TTLL10: variants seen among roughly 807,000 people sequenced by gnomAD.
The protein encoded by TTLL10 is tubulin tyrosine ligase like 10.
In TTLL10, 61 loss-of-function variants were observed where a neutral mutation model predicts 69.0. The ratio of observed to expected loss-of-function variants is 0.88; its 90% CI spans 0.72 to 1.09. The LOEUF (loss-of-function observed/expected upper bound fraction) is 1.09, where lower values mean the gene tolerates loss of function less well. TTLL10 is among the 50% of genes least tolerant of loss of function. The pLI, the probability that TTLL10 is intolerant of heterozygous loss-of-function variation, is 0.00. For synonymous variants in TTLL10, 408 were observed against 393.3 expected, an observed-to-expected ratio of 1.04 and a Z score of -0.44; for missense variants, 962 against 945.9, an observed-to-expected ratio of 1.02 and a Z score of -0.22.
intron 12 of TTLL10, 42 bp from the exon 13 acceptor site, chr1:1,184,927 G>A (rs7539911): frequency 0.12 from 130,593 of 1,110,328 alleles, 9,693 homozygotes; most frequent in East Asian, 0.53. Flanking sequence ...CAGGCCCTCC[G>A]GACAGTCTGG....
intron 13 of TTLL10, among the ~76,000 whole-genome samples, chr1:1,195,282 G>GC (rs1167669037): frequency 7.3e-5 from 11 of 151,572 alleles, no homozygotes; most frequent in Non-Finnish European, 1.3e-4. Flanking sequence ...TGAAGCCACT[G>GC]CACCCGGCCT....
chr1:1,183,017 TC>T lies in TTLL10; in HGVS notation c.1060del (p.Arg354GlyfsTer38), dbSNP rs1441048668. On this transcript the variant is annotated frameshift_variant, in exon 11 of 16. Coordinates refer to ENST00000379289, the MANE Select transcript of TTLL10 (RefSeq NM_001130045.2). LOFTEE classifies it high-confidence loss of function. ...GACCCCATCCACCACAAGACGCCGTTCCGGGGGCCTCAGGCGCGGGTGGTGC... is the reference window on the plus strand; with the variant it reads ...GACCCCATCCACCACAAGACGCCGTTCGGGGGCCTCAGGCGCGGGTGGTGC... ...EDDPIHHKTP[F>X]RGPQARVVQR... 6.2e-7 allele frequency: 1 copy of T among 1,608,954 alleles called. No individual in the cohort carries two copies. The highest frequency in any genetic ancestry group is 8.5e-7 in the Non-Finnish European group (1 of 1,178,250).
At chr1:1,187,188 A>G (rs558734983) in intron 13 of TTLL10, among the ~76,000 whole-genome samples, 21 of 152,254 alleles carry the variant, frequency 1.4e-4, no homozygotes, top group African/African-American at 5.1e-4. Context: ...TTTATCAGAC[A>G]TATGATTTGC....
chr1:1,185,336 C>G lies in TTLL10; in HGVS notation c.1401+227C>G. On this transcript the variant is annotated intron_variant, in intron 13 of 15. Transcript: ENST00000379289. This position sits in a 1 kb window ranked among gnomAD's most constrained non-coding sequence, Gnocchi z 6.1. ...CCGGACGGAAAGCCCAGTCGGGGGT[C>G]TGTCGGCACGAGTCCCGCGGGCAGC... 1 of 1,380,804 alleles carries G rather than the reference C, an allele frequency of 7.2e-7. No homozygotes were observed. Among genetic ancestry groups the G allele is most frequent in the Non-Finnish European group, 9.3e-7 (1 of 1,071,788 alleles). 85.5% of individuals were successfully genotyped at this position (1,380,804 alleles called of 1,614,324 possible). A position where few individuals can be genotyped will look rare whatever the true frequency, so the allele number is the denominator to read the frequency against.
chr1:1,194,354 T>C (rs921878489), intron 13 of TTLL10, among the ~76,000 whole-genome samples: 3 of 152,338 alleles, frequency 2.0e-5, no homozygotes, highest in Non-Finnish European at 2.9e-5. Context: ...ATTATTGTTG[T>C]ATACAGTTGT....
intron 11 of TTLL10, among the ~76,000 whole-genome samples, 176 bp from the exon 12 acceptor site, chr1:1,183,744 T>C (rs898656990): frequency 1.3e-5 from 2 of 152,160 alleles, no homozygotes; most frequent in African/African-American, 2.4e-5. Context: ...GCCAGGCCTT[T>C]CCTCCCAATT....
At chr1:1,182,582 AG>A (rs1647105982) in intron 10 of TTLL10, 136 bp downstream of exon 10, 2 of 976,714 alleles carry the variant, frequency 2.0e-6, no homozygotes, top group Admixed American at 3.9e-5. Flanking sequence ...GTGGTCAGGA[AG>A]GGGCCAGGGC....
intron 3 of TTLL10, among the ~76,000 whole-genome samples, chr1:1,176,602 G>A (rs937338055): frequency 3.9e-5 from 6 of 152,188 alleles, no homozygotes; most frequent in Non-Finnish European, 5.9e-5. Context: ...CTCCTGGGCC[G>A]GTTCCAGCCC....
intron 3 of TTLL10, chr1:1,176,491 G>GAGGGAC (rs1413341410): frequency 9.1e-6 from 4 of 439,156 alleles, no homozygotes; most frequent in Non-Finnish European, 1.8e-5. Context: ...AGGCTTCCCG[G>GAGGGAC]AGGGACGGAT....
intron 3 of TTLL10, chr1:1,175,465 C>T: frequency 1.1e-5 from 4 of 360,420 alleles, no homozygotes; most frequent in South Asian, 6.2e-5. Context: ...TCCATATCAT[C>T]CCGGCACGAA....
At chr1:1,194,623 A>G (rs148370448) in intron 13 of TTLL10, among the ~76,000 whole-genome samples, 70 of 152,254 alleles carry the variant, frequency 4.6e-4, no homozygotes, top group South Asian at 1.0e-3. Flanking sequence ...TACTTTTGGG[A>G]ATTTGTGCCA....
At position 1,181,184 on chromosome 1, in the gene TTLL10, CA is replaced by C. The variant is rs770998039; in HGVS notation, c.755+326del. ...GAACGGGGAAGATCCCACACGTCCCCAACCCACTGGGCCTGACACCCACCCA... is the reference window on the plus strand; with the variant it reads ...GAACGGGGAAGATCCCACACGTCCCCACCCACTGGGCCTGACACCCACCCA... On this transcript the variant is annotated intron_variant, in intron 8 of 15. Transcript: ENST00000379289. This position sits in a 1 kb window ranked among gnomAD's most constrained non-coding sequence, Gnocchi z 4.6. Among the ~76,000 whole-genome samples the C allele has an allele frequency of 2.8e-4, 42 of 151,776 alleles. No individual in the cohort carries two copies. Among genetic ancestry groups the C allele is most frequent in the Admixed American group, 4.6e-4 (7 of 15,240 alleles).
In TTLL10 at chr1:1,173,997, G is replaced by A. The variant is rs1646810186; in HGVS notation, c.-131+71G>A. 1 of 152,422 alleles carries A rather than the reference G, an allele frequency of 6.6e-6. No homozygotes were observed. Among genetic ancestry groups the A allele is most frequent in the African/African-American group, 2.4e-5 (1 of 41,462 alleles). 9.4% of individuals were successfully genotyped at this position (152,422 alleles called of 1,614,324 possible). ...CCCGCCCTCCTACGCCCTGCCTGCG[G>A]GTCCCCTCGGGAGGCTGCTCAGGAG... On this transcript the variant is annotated intron_variant, in intron 1 of 15. Transcript: ENST00000379289. This position sits in a 1 kb window ranked among gnomAD's most constrained non-coding sequence, Gnocchi z 4.1.
chr1:1,179,747 G>A lies in TTLL10; in HGVS notation c.199+10G>A. On this transcript the variant is annotated intron_variant, in intron 5 of 15. Coordinates refer to ENST00000379289, the MANE Select transcript of TTLL10 (RefSeq NM_001130045.2). ...GGCCACTGCCCTGTTGGTGAGGAGG[G>A]TCGGAGGGGCGACCTCCCTGCCCCC... The A allele has an allele frequency of 6.5e-7, 1 of 1,544,710 alleles. No homozygotes were observed. Among genetic ancestry groups the A allele is most frequent in the Non-Finnish European group, 8.7e-7 (1 of 1,144,470 alleles).
rs180930839 is a variant in TTLL10, at chr1:1,183,626, G to A, written c.1089-294G>A. On this transcript the variant is annotated intron_variant, in intron 11 of 15. Transcript: ENST00000379289. ...GCTGTGCTCCCTCTGCCTAGCGCCC[G>A]CCTGGCGCGCTCCTTCCCTTCCTCT... 2.9e-3 allele frequency among the ~76,000 whole-genome samples: 435 copies of A among 152,290 alleles called. 4 individuals carry two copies. Among genetic ancestry groups the A allele is most frequent in the Non-Finnish European group, 4.6e-3 (312 of 68,008 alleles).
rs1325774545 is a variant in TTLL10, at chr1:1,197,540, C to T, written c.1715C>T (p.Pro572Leu). 5.2e-6 allele frequency: 8 copies of T among 1,526,128 alleles called. No homozygotes were observed. Among genetic ancestry groups the T allele is most frequent in the African/African-American group, 2.8e-5 (2 of 72,240 alleles). 94.5% of individuals were successfully genotyped at this position (1,526,128 alleles called of 1,614,324 possible). ...CTCCTGCACAACGGTGAGGCCGACC[C>T]GCGGCCGCACCTGGGGGGCTCGTGC... ...FVLLHNGEAD[P>L]RPHLGGSCSL... The change falls in exon 16 of 16, where the codon CCG (proline) becomes CTG (leucine). Residue 572 changes from proline to leucine, a missense_variant. Physicochemically the swap from Pro to Leu is moderately conservative, Grantham distance 98. Transcript: ENST00000379289.
At chr1:1,183,132 G>GC (rs1647131953) in intron 11 of TTLL10, 85 bp downstream of exon 11, 1 of 1,453,294 alleles carries the variant, frequency 6.9e-7, no homozygotes, top group Admixed American at 2.4e-5. Flanking sequence ...CCGCCGAGGA[G>GC]CCCTTGGTCG....
At position 1,192,278 on chromosome 1, in the gene TTLL10, T is replaced by C. The variant is rs141060195; in HGVS notation, c.1402-4322T>C. On this transcript the variant is annotated intron_variant, in intron 13 of 15. Coordinates refer to ENST00000379289, the MANE Select transcript of TTLL10 (RefSeq NM_001130045.2). ...TTGTTGGGTGTGTGTATGTTTATGA[T>C]TATTAGATCTTCTTGGTTTATCGTT... is the stretch of plus-strand genomic sequence containing the variant. Among the ~76,000 whole-genome samples, 1,377 of 152,396 alleles carry C rather than the reference T, an allele frequency of 9.0e-3. 18 individuals are homozygous for C. Among genetic ancestry groups the C allele is most frequent in the African/African-American group, 0.031 (1,286 of 41,594 alleles).
At chr1:1,184,491 G>A (rs1557483510) in intron 12 of TTLL10, among the ~76,000 whole-genome samples, 1 of 152,352 alleles carries the variant, frequency 6.6e-6, no homozygotes, top group East Asian at 1.9e-4. Context: ...GTCTTCATGG[G>A]AGAGTCCAGG....
Sources: allele counts gnomAD v4.1 joint callset (sites outside exome capture counted in the v4.1 genomes callset), GRCh38; gene constraint gnomAD v4.1.1; non-coding constraint Gnocchi (gnomAD v3.1); transcripts MANE v1.5; gene names NCBI Gene and HGNC (gene_info 2026-07-23, HGNC 2026-07-21).